The following PAK5 variants were observed in gnomAD, a reference collection of about 807,000 sequenced individuals.
The protein encoded by PAK5 is serine/threonine-protein kinase PAK 5.
PAK5 carries 16 observed loss-of-function variants against 65.9 expected under a neutral mutation model. The observed-to-expected ratio is 0.24, with a 90% confidence interval of 0.16 to 0.37. The LOEUF (loss-of-function observed/expected upper bound fraction) is 0.37, where lower values mean the gene tolerates loss of function less well. PAK5 is among the 10% of genes least tolerant of loss of function. The pLI is 1.00. For missense variants in PAK5, 785 were observed against 903.9 expected (o/e 0.87, Z 1.69); for synonymous variants, 371 against 354.9 (o/e 1.05, Z -0.51).
intron 3 of PAK5, among the ~76,000 whole-genome samples, chr20:9,625,436 C>CA (rs2046830865): frequency 6.6e-6 from 1 of 152,344 alleles, no homozygotes; most frequent in South Asian, 2.1e-4. Context: ...GTAGTCCCCT[C>CA]ACATCTTCCC....
rs6077563 is a variant in PAK5, at chr20:9,566,353, C to T, written c.1022G>A (p.Ser341Asn). 1 of 1,613,416 alleles carries T rather than the reference C, an allele frequency of 6.2e-7. No individual in the cohort carries two copies. Among genetic ancestry groups the T allele is most frequent in the Non-Finnish European group, 8.5e-7 (1 of 1,179,760 alleles). ...VDYDRAQMVL[S>N]PPLSGSDTYP... Reference sequence around the variant, plus strand: ...GGTGTCAGACCCTGACAGTGGAGGGCTGAGGACCATCTGTGCTCGATCGTA... The same window carrying T: ...GGTGTCAGACCCTGACAGTGGAGGGTTGAGGACCATCTGTGCTCGATCGTA... The change falls in exon 5 of 10, where the codon AGC becomes AAC. Residue 341 changes from serine (S) to asparagine (N), a missense_variant. Physicochemically the swap from Ser to Asn is conservative, Grantham distance 46. This residue lies in a region of PAK5 where 422 missense variants were observed against 413.3 expected (regional missense o/e 1.02). Transcript: ENST00000353224.
intron 1 of PAK5, among the ~76,000 whole-genome samples, chr20:9,802,137 GC>G (rs2049176708): frequency 6.6e-6 from 1 of 152,144 alleles, no homozygotes; most frequent in Admixed American, 6.6e-5. Context: ...GCCCGATAGG[GC>G]ATGAACTTCC....
intron 1 of PAK5, among the ~76,000 whole-genome samples, chr20:9,731,478 A>G (rs938345438): frequency 1.2e-4 from 19 of 152,186 alleles, no homozygotes; most frequent in African/African-American, 4.6e-4. Flanking sequence ...CTCAGTAGCC[A>G]CATGTGGTTA....
chr20:9,802,296 C>A (rs918387887), intron 1 of PAK5, among the ~76,000 whole-genome samples: 2 of 152,010 alleles, frequency 1.3e-5, no homozygotes, highest in African/African-American at 4.8e-5. Flanking sequence ...ACTCACGAGA[C>A]AATGGCTGGA....
At chr20:9,635,814 G>C (rs1487985942) in intron 3 of PAK5, among the ~76,000 whole-genome samples, 1 of 152,154 alleles carries the variant, frequency 6.6e-6, no homozygotes, top group East Asian at 1.9e-4. Context: ...TGATTTAAGA[G>C]GATAGGAAAG....
At chr20:9,607,077 C>T (rs2046468357) in intron 3 of PAK5, among the ~76,000 whole-genome samples, 1 of 152,198 alleles carries the variant, frequency 6.6e-6, no homozygotes, top group Non-Finnish European at 1.5e-5. Flanking sequence ...ACTTCCTCCT[C>T]CCATACCTTC....
chr20:9,754,069 C>A (rs2048605897), intron 1 of PAK5, among the ~76,000 whole-genome samples: 1 of 152,128 alleles, frequency 6.6e-6, no homozygotes, highest in Non-Finnish European at 1.5e-5. Flanking sequence ...AGACTCCAAT[C>A]AATTCTCCCC....
At chr20:9,655,547 G>A (rs1569023102) in intron 2 of PAK5, among the ~76,000 whole-genome samples, 1 of 152,060 alleles carries the variant, frequency 6.6e-6, no homozygotes, top group Admixed American at 6.6e-5. Flanking sequence ...AAAATGGAAT[G>A]TACTATAATT....
intron 3 of PAK5, among the ~76,000 whole-genome samples, chr20:9,642,166 T>C (rs1600186869): frequency 6.6e-6 from 1 of 152,220 alleles, no homozygotes; most frequent in African/African-American, 2.4e-5. Context: ...TTTGGGTATA[T>C]ACCCAGTAAT....
chr20:9,584,622 T>A (rs1031769319), intron 3 of PAK5, among the ~76,000 whole-genome samples: 2 of 152,230 alleles, frequency 1.3e-5, no homozygotes, highest in Admixed American at 6.5e-5. Flanking sequence ...TGTTTACCAC[T>A]TCTCTATTTC....
At chr20:9,772,398 G>A (rs769436104) in intron 1 of PAK5, among the ~76,000 whole-genome samples, 6 of 152,208 alleles carry the variant, frequency 3.9e-5, no homozygotes, top group Non-Finnish European at 7.3e-5. Flanking sequence ...ATCCAAGAAA[G>A]AGGGTTTTGC....
chr20:9,664,583 G>C (rs775835141), intron 2 of PAK5, among the ~76,000 whole-genome samples: 29 of 152,106 alleles, frequency 1.9e-4, no homozygotes, highest in Non-Finnish European at 3.4e-4. Flanking sequence ...TTAACCCTTA[G>C]GGAACATCAT....
chr20:9,667,374 C>T (rs888298096), intron 2 of PAK5, among the ~76,000 whole-genome samples: 1 of 100,870 alleles, frequency 9.9e-6, no homozygotes, highest in African/African-American at 4.6e-5. Flanking sequence ...TGTTCAGGCC[C>T]TAAGAGACTA....
At chr20:9,561,672 C>T (rs2045592696) in intron 6 of PAK5, among the ~76,000 whole-genome samples, 1 of 152,060 alleles carries the variant, frequency 6.6e-6, no homozygotes, top group African/African-American at 2.4e-5. Context: ...TTCTTGTTAC[C>T]TTGTTTTCCA....
At position 9,538,965 on chromosome 20, in the gene PAK5, G is replaced by A. The variant is rs189198195; in HGVS notation, c.*497C>T. The A allele has an allele frequency of 4.3e-6, 1 of 233,410 alleles. No homozygotes were observed. The highest frequency in any genetic ancestry group is 6.1e-5 in the East Asian group (1 of 16,458). 14.5% of individuals were successfully genotyped at this position (233,410 alleles called of 1,614,324 possible). ...CAAGTATTACTTCAACTGATACAAT[G>A]GCTACATGACATCAAAGTACTATAA... On this transcript the variant is annotated 3_prime_UTR_variant, in exon 10 of 10. Transcript: ENST00000353224.
chr20:9,638,988 A>C (rs2047016256), intron 3 of PAK5, among the ~76,000 whole-genome samples: 1 of 152,134 alleles, frequency 6.6e-6, no homozygotes, highest in Non-Finnish European at 1.5e-5. Context: ...CTTTGACCAA[A>C]CCAACTAGAA....
intron 2 of PAK5, among the ~76,000 whole-genome samples, chr20:9,678,484 G>A (rs555200146): frequency 4.6e-5 from 7 of 152,262 alleles, no homozygotes; most frequent in Non-Finnish European, 7.4e-5. Context: ...GAAGAATGGC[G>A]TGAACCCAGG....
At chr20:9,728,066 G>A (rs552838846) in intron 1 of PAK5, among the ~76,000 whole-genome samples, 1 of 152,242 alleles carries the variant, frequency 6.6e-6, no homozygotes, top group South Asian at 2.1e-4. Context: ...CCCCCAAGGT[G>A]ATAATATTAA....
At chr20:9,770,939 T>C (rs2048825965) in intron 1 of PAK5, among the ~76,000 whole-genome samples, 1 of 152,088 alleles carries the variant, frequency 6.6e-6, no homozygotes, top group Non-Finnish European at 1.5e-5. Flanking sequence ...GATAGAGCTG[T>C]CTTAAGGAAA....
Sources: gnomAD v4.1 joint callset for allele counts (sites outside exome capture counted in the v4.1 genomes callset) on GRCh38, gnomAD v4.1.1 for gene constraint, gnomAD v4.1.1 regional missense constraint, MANE v1.5 for transcripts, NCBI Gene and HGNC (gene_info 2026-07-23, HGNC 2026-07-21) for gene names.